KATNA1: variants seen among roughly 807,000 people sequenced by gnomAD.
KATNA1 encodes the protein katanin p60 ATPase-containing subunit A1.
KATNA1 carries 42 observed loss-of-function variants against 62.6 expected under a neutral mutation model. That is an observed-to-expected ratio of 0.67 (90% CI 0.52 to 0.87). The LOEUF is 0.87. Ranked by LOEUF, KATNA1 falls within the 40% of genes least tolerant of loss-of-function variation. The probability of loss-of-function intolerance (pLI) is 0.00; values close to 1 mark genes in which losing one functional copy is unlikely to be tolerated. For synonymous variants in KATNA1, 186 were observed against 201.9 expected, an observed-to-expected ratio of 0.92 and a Z score of 0.67; for missense variants, 498 against 612.5, an observed-to-expected ratio of 0.81 and a Z score of 1.97.
chr6:149,630,554 G>A (rs1007817470), intron 3 of KATNA1, among the ~76,000 whole-genome samples: 6 of 152,154 alleles, frequency 3.9e-5, no homozygotes, highest in African/African-American at 1.4e-4. Flanking sequence ...GCTTGAACCG[G>A]GAGGCGGAGG....
intron 10 of KATNA1, among the ~76,000 whole-genome samples, chr6:149,595,848 C>T (rs1226980054): frequency 1.3e-5 from 2 of 152,176 alleles, no homozygotes; most frequent in African/African-American, 4.8e-5. Context: ...CGCAGTCAAG[C>T]CCCTGGTTAA....
chr6:149,648,444 G>A (rs2114653356), intron 1 of KATNA1, 25 bp downstream of exon 1: 1 of 152,344 alleles, frequency 6.6e-6, no homozygotes, highest in East Asian at 1.9e-4. Context: ...GGGGTCCCCA[G>A]AGCACCGCCA....
chr6:149,597,306 G>C, intron 9 of KATNA1, 117 bp from the exon 10 acceptor site: 1 of 1,285,650 alleles, frequency 7.8e-7, no homozygotes, highest in Non-Finnish European at 1.1e-6. Flanking sequence ...TCTCTAAGAA[G>C]AGATAATTAA....
chr6:149,619,444 C>G (rs1173866356), intron 4 of KATNA1, among the ~76,000 whole-genome samples: 1 of 152,094 alleles, frequency 6.6e-6, no homozygotes, highest in Non-Finnish European at 1.5e-5. Context: ...GAAACCCCGT[C>G]TCTACTAAAA....
intron 9 of KATNA1, 55 bp downstream of exon 9, chr6:149,597,450 CTA>C (rs1269136352): frequency 6.3e-7 from 1 of 1,589,392 alleles, no homozygotes; most frequent in Non-Finnish European, 8.6e-7. Context: ...TTTAAATTCT[CTA>C]AACAAAACTA....
At chr6:149,605,035 A>G (rs185854929) in intron 4 of KATNA1, among the ~76,000 whole-genome samples, 65 of 152,078 alleles carry the variant, frequency 4.3e-4, no homozygotes, top group African/African-American at 1.6e-3. Context: ...TTAGCCAGGC[A>G]TGGTGGCGGC....
In KATNA1 at chr6:149,597,657, G is replaced by T. The variant is rs200731518; in HGVS notation, c.1016-16C>A. 767 of 1,605,412 alleles carry T rather than the reference G, an allele frequency of 4.8e-4. 10 individuals are homozygous for T. The South Asian group carries it at 5.8e-3, about 12-fold the overall frequency. On this transcript the variant is annotated splice_polypyrimidine_tract_variant and intron_variant, in intron 8 of 10. Coordinates refer to ENST00000367411, the MANE Select transcript of KATNA1 (RefSeq NM_007044.4). Reference sequence around the variant, plus strand: ...CCTCCAACACCTAAAATAAGGGTAAGGGGAGAGTGAAAAAGATATTAAGTT... The same window carrying T: ...CCTCCAACACCTAAAATAAGGGTAATGGGAGAGTGAAAAAGATATTAAGTT...
chr6:149,602,149 G>A (rs755486344), intron 6 of KATNA1, among the ~76,000 whole-genome samples: 2 of 152,048 alleles, frequency 1.3e-5, no homozygotes, highest in African/African-American at 4.8e-5. Flanking sequence ...GGCAGATCAC[G>A]AGGTCAGGAG....
At chr6:149,622,046 G>A (rs193253403) in intron 4 of KATNA1, among the ~76,000 whole-genome samples, 32 of 152,162 alleles carry the variant, frequency 2.1e-4, no homozygotes, top group African/African-American at 7.5e-4. Flanking sequence ...TGGGATAATT[G>A]GCAAAATTTT....
At chr6:149,612,217 A>T (rs1778988537) in intron 4 of KATNA1, among the ~76,000 whole-genome samples, 1 of 152,102 alleles carries the variant, frequency 6.6e-6, no homozygotes, top group Admixed American at 6.5e-5. Context: ...ACATTTAAAA[A>T]AGAATTAAGG....
intron 4 of KATNA1, among the ~76,000 whole-genome samples, chr6:149,612,269 A>C (rs1032053828): frequency 2.0e-5 from 3 of 152,132 alleles, no homozygotes; most frequent in Admixed American, 2.0e-4. Context: ...GCACTTTGGG[A>C]GGCCGAGGCA....
intron 2 of KATNA1, among the ~76,000 whole-genome samples, chr6:149,633,482 C>T (rs1283965162): frequency 1.3e-5 from 2 of 152,030 alleles, no homozygotes; most frequent in Non-Finnish European, 2.9e-5. Flanking sequence ...GTAATCCCAG[C>T]ACTTTAGGGA....
chr6:149,604,998 C>T, intron 4 of KATNA1, among the ~76,000 whole-genome samples: 1 of 151,994 alleles, frequency 6.6e-6, no homozygotes, highest in East Asian at 1.9e-4. Flanking sequence ...CAGGGTGAAA[C>T]CCCATCTCTA....
chr6:149,643,688 CTTTT>C (rs760035804), intron 1 of KATNA1, among the ~76,000 whole-genome samples: 1 of 142,840 alleles, frequency 7.0e-6, no homozygotes, highest in Non-Finnish European at 1.5e-5. Flanking sequence ...AGTTGTTGTC[CTTTT>C]TTTTTTTTTT....
chr6:149,630,627 C>CA (rs921247177), intron 3 of KATNA1, among the ~76,000 whole-genome samples: 9 of 151,092 alleles, frequency 6.0e-5, no homozygotes, highest in African/African-American at 1.9e-4. Flanking sequence ...GACTCTGTCT[C>CA]AAAAAAAATA....
chr6:149,610,860 G>C (rs1484913352), intron 4 of KATNA1, among the ~76,000 whole-genome samples: 3 of 152,038 alleles, frequency 2.0e-5, no homozygotes, highest in African/African-American at 7.2e-5. Flanking sequence ...CGCAGCAGGT[G>C]GATCACCTGA....
Position 149,623,139 on chromosome 6 carries a change from A to C in KATNA1, c.465T>G (p.Arg155=). Residue 155 remains arginine, a synonymous_variant, in exon 4 of 11, where the codon CGT becomes CGG. Transcript: ENST00000367411. ...HNDRGKAVRC[R]EKKEQNKGRE... ...TTCCTTTATTCTGTTCTTTCTTTTC[A>C]CGACAACGAACAGCTTTCCCTCTGT... The C allele has an allele frequency of 6.2e-7, 1 of 1,606,784 alleles. No individual in the cohort carries two copies. Among genetic ancestry groups the C allele is most frequent in the Non-Finnish European group, 8.5e-7 (1 of 1,178,206 alleles).
chr6:149,597,772 G>C (rs1465331402), intron 8 of KATNA1, 131 bp from the exon 9 acceptor site: 1 of 790,324 alleles, frequency 1.3e-6, no homozygotes, highest in South Asian at 2.0e-5. Context: ...GCCTCCTTAA[G>C]ACTTAGGTTA....
chr6:149,629,568 G>C (rs1013604597), intron 3 of KATNA1, among the ~76,000 whole-genome samples: 1 of 152,162 alleles, frequency 6.6e-6, no homozygotes, highest in African/African-American at 2.4e-5. Context: ...AAGGAGAAAA[G>C]AGCAAGTAAA....
Sources: gnomAD v4.1 joint callset for allele counts (sites outside exome capture counted in the v4.1 genomes callset) on GRCh38, gnomAD v4.1.1 for gene constraint, MANE v1.5 for transcripts, NCBI Gene and HGNC (gene_info 2026-07-23, HGNC 2026-07-21) for gene names.